RSPRY1: variants seen among roughly 807,000 people sequenced by gnomAD.
The protein encoded by RSPRY1 is RING finger and SPRY domain-containing protein 1.
A neutral mutation model predicts 73.1 loss-of-function variants in RSPRY1; 23 were observed. The ratio of observed to expected loss-of-function variants is 0.31; its 90% confidence interval spans 0.23 to 0.45. The LOEUF (loss-of-function observed/expected upper bound fraction) is 0.45. RSPRY1 is among the 20% of genes least tolerant of loss of function. RSPRY1 has a pLI of 1.00. For synonymous variants in RSPRY1, 226 were observed against 251.4 expected (o/e 0.90, Z 0.95); for missense variants, 448 against 698.7 (o/e 0.64, Z 4.05).
At chr16:57,222,412 A>T (rs922290016) in intron 10 of RSPRY1, among the ~76,000 whole-genome samples, 10 of 152,206 alleles carry the variant, frequency 6.6e-5, no homozygotes, top group Non-Finnish European at 2.9e-5. Context: ...TAATTTTTAA[A>T]GGCCTATTTC....
intron 8 of RSPRY1, chr16:57,220,225 G>A (rs2075012314): frequency 6.6e-6 from 1 of 152,312 alleles, no homozygotes. Context: ...GGGATTGCAT[G>A]TAATCTGTAG....
At chr16:57,216,055 T>C in intron 6 of RSPRY1, 52 bp from the exon 7 acceptor site, 1 of 1,396,316 alleles carries the variant, frequency 7.2e-7, no homozygotes, top group Non-Finnish European at 1.0e-6. Context: ...ACTTGCCACC[T>C]CTGCAGGGGA....
intron 8 of RSPRY1, among the ~76,000 whole-genome samples, chr16:57,219,027 C>T (rs1439073910): frequency 4.1e-5 from 5 of 123,062 alleles, no homozygotes; most frequent in African/African-American, 1.3e-4. Flanking sequence ...TGAGCCACCG[C>T]GCCCGGCCAC....
intron 1 of RSPRY1, among the ~76,000 whole-genome samples, chr16:57,201,622 G>A (rs1685654126): frequency 6.6e-6 from 1 of 152,210 alleles, no homozygotes; most frequent in Admixed American, 6.5e-5. Flanking sequence ...GGGAGGTGGA[G>A]GTTGTATCGA....
intron 1 of RSPRY1, among the ~76,000 whole-genome samples, chr16:57,188,089 G>C (rs2074282167): frequency 6.6e-6 from 1 of 152,096 alleles, no homozygotes; most frequent in Admixed American, 6.5e-5. Flanking sequence ...TTTCCTCCAC[G>C]AATACTATGC....
chr16:57,209,868 T>G (rs543913863), intron 4 of RSPRY1, among the ~76,000 whole-genome samples: 2 of 151,284 alleles, frequency 1.3e-5, no homozygotes, highest in African/African-American at 4.9e-5. Flanking sequence ...AGAGATGGGG[T>G]TTCATCATGT....
intron 1 of RSPRY1, among the ~76,000 whole-genome samples, chr16:57,201,268 C>T (rs2074595228): frequency 6.6e-6 from 1 of 151,638 alleles, no homozygotes; most frequent in African/African-American, 2.4e-5. Flanking sequence ...GGAGGGGCTC[C>T]TCACTTCTCA....
At chr16:57,197,432 A>G (rs2074470022) in intron 1 of RSPRY1, among the ~76,000 whole-genome samples, 1 of 152,132 alleles carries the variant, frequency 6.6e-6, no homozygotes, top group Admixed American at 6.5e-5. Context: ...TGCCTTTATA[A>G]AATGCCTTCC....
In RSPRY1 at chr16:57,206,243, A is replaced by G. The variant is rs189983845; in HGVS notation, c.350+1235A>G. Reference sequence around the variant, plus strand: ...ACATAGGGAGATCCCATCTCTGCAAAAAAAATTTAAAAATTATCCAGGTAC... The same window carrying G: ...ACATAGGGAGATCCCATCTCTGCAAGAAAAATTTAAAAATTATCCAGGTAC... On this transcript the variant is annotated intron_variant, in intron 2 of 14. Coordinates refer to ENST00000394420, the MANE Select transcript of RSPRY1 (RefSeq NM_133368.3). Among the ~76,000 whole-genome samples the G allele has an allele frequency of 7.9e-5, 12 of 152,220 alleles. No individual in the cohort carries two copies. The East Asian group carries it at 9.7e-4, about 12-fold the overall frequency.
chr16:57,205,287 G>C (rs2074703891), intron 2 of RSPRY1: 1 of 362,672 alleles, frequency 2.8e-6, no homozygotes, highest in African/African-American at 2.0e-5. Flanking sequence ...TAAATATGGA[G>C]TGAGTTTATG....
At chr16:57,188,966 T>C (rs1379716175) in intron 1 of RSPRY1, among the ~76,000 whole-genome samples, 3 of 152,026 alleles carry the variant, frequency 2.0e-5, no homozygotes, top group African/African-American at 7.2e-5. Flanking sequence ...CTTTCTATGT[T>C]ATGCTTTTTT....
chr16:57,235,471 G>A (rs1469458584), intron 14 of RSPRY1, among the ~76,000 whole-genome samples: 2 of 152,160 alleles, frequency 1.3e-5, no homozygotes, highest in African/African-American at 4.8e-5. Flanking sequence ...CAGGTTTAAT[G>A]CTATTTATGA....
chr16:57,237,034 G>A (rs1190422704), intron 14 of RSPRY1, among the ~76,000 whole-genome samples: 3 of 152,072 alleles, frequency 2.0e-5, no homozygotes, highest in Admixed American at 1.3e-4. Flanking sequence ...CGGGCGTGGT[G>A]GTGGGCGCCT....
At chr16:57,221,555 C>T (rs2075036518) in intron 10 of RSPRY1, 140 bp downstream of exon 10, 1 of 826,208 alleles carries the variant, frequency 1.2e-6, no homozygotes, top group South Asian at 1.9e-5. Flanking sequence ...GTACCAGGTC[C>T]CTAACAATGA....
In RSPRY1 at chr16:57,204,597, G is replaced by A; in HGVS notation, c.-62G>A. ...GGCATTCAGTTGTTAAAAACAAATA[G>A]GATGCAAATTCCTCAACTCCAGGTT... On this transcript the variant is annotated 5_prime_UTR_variant, in exon 2 of 15. Coordinates refer to ENST00000394420, the MANE Select transcript of RSPRY1 (RefSeq NM_133368.3). 2 of 1,459,344 alleles carry A rather than the reference G, an allele frequency of 1.4e-6. No homozygotes were observed. The highest frequency in any genetic ancestry group is 1.2e-5 in the South Asian group (1 of 83,790). The allele number at this position is 1,459,344 out of a possible 1,614,324, so 90.4% of individuals were successfully genotyped here.
Position 57,211,640 on chromosome 16 carries a change from G to GTAAC in RSPRY1, c.517-1331_517-1328dup, listed in dbSNP as rs1261972225. Among the ~76,000 whole-genome samples, 5 of 152,054 alleles carry GTAAC rather than the reference G, an allele frequency of 3.3e-5. No homozygotes were observed. The East Asian group carries it at 9.7e-4, about 29-fold the overall frequency. ...TTACTCAAATGTATTAATGATTAGT[G>GTAAC]TAACATTGGTTATCCTTTACATAGA... On this transcript the variant is annotated intron_variant, in intron 4 of 14. Coordinates refer to ENST00000394420, the MANE Select transcript of RSPRY1 (RefSeq NM_133368.3).
At chr16:57,188,216 G>T (rs1341409354) in intron 1 of RSPRY1, among the ~76,000 whole-genome samples, 1 of 152,230 alleles carries the variant, frequency 6.6e-6, no homozygotes, top group East Asian at 1.9e-4. Context: ...CATTTCCTGG[G>T]ATGGTATCTT....
At chr16:57,194,358 A>G (rs1161394281) in intron 1 of RSPRY1, among the ~76,000 whole-genome samples, 2 of 152,214 alleles carry the variant, frequency 1.3e-5, no homozygotes, top group East Asian at 1.9e-4. Flanking sequence ...TATATAGTTC[A>G]CAGTTTACAG....
At chr16:57,201,341 G>C (rs1260542710) in intron 1 of RSPRY1, among the ~76,000 whole-genome samples, 1 of 144,230 alleles carries the variant, frequency 6.9e-6, no homozygotes, top group South Asian at 2.1e-4. Flanking sequence ...GGGCAGAGAC[G>C]CTCCTCACAT....
Sources: gnomAD v4.1 joint callset for allele counts (sites outside exome capture counted in the v4.1 genomes callset) on GRCh38, gnomAD v4.1.1 for gene constraint, MANE v1.5 for transcripts, NCBI Gene and HGNC (gene_info 2026-07-23, HGNC 2026-07-21) for gene names.